The following PIGU variants were observed in gnomAD, a reference collection of about 807,000 sequenced individuals.
The protein encoded by PIGU is phosphatidylinositol glycan anchor biosynthesis class U, also known as GPI-anchor transamidase component PIGU.
A neutral mutation model predicts 49.9 loss-of-function variants in PIGU; 24 were observed. That is an observed-to-expected ratio of 0.48 (90% CI 0.35 to 0.68). The LOEUF is 0.68. PIGU is among the 30% of genes least tolerant of loss of function. The pLI, the probability that PIGU is intolerant of heterozygous loss-of-function variation, is 0.01. For missense variants in PIGU, 490 were observed against 532.6 expected, an observed-to-expected ratio of 0.92 and a Z score of 0.79; for synonymous variants, 220 against 205.7, an observed-to-expected ratio of 1.07 and a Z score of -0.59.
Position 34,560,631 on chromosome 20 carries a change from C to A in PIGU, c.*235G>T. The A allele has an allele frequency of 2.3e-6, 1 of 442,404 alleles. No homozygotes were observed. The highest frequency in any genetic ancestry group is 5.8e-4 in the Middle Eastern group (1 of 1,724). The allele number at this position is 442,404 out of a possible 1,614,324, so 27.4% of individuals were successfully genotyped here. ...CTTCTCCTTCCTGTCTGGGAGGGGGCTCCTTGGTGTGCAGAGCCACAAGGT... is the reference window on the plus strand; with the variant it reads ...CTTCTCCTTCCTGTCTGGGAGGGGGATCCTTGGTGTGCAGAGCCACAAGGT... On this transcript the variant is annotated 3_prime_UTR_variant, in exon 12 of 12. Transcript: ENST00000217446.
intron 7 of PIGU, among the ~76,000 whole-genome samples, chr20:34,603,857 G>GACACACACAC (rs1375311427): frequency 1.4e-5 from 1 of 70,746 alleles, no homozygotes; most frequent in Non-Finnish European, 2.9e-5. Flanking sequence ...CCTTTTAGTG[G>GACACACACAC]ACAGACACAC....
At chr20:34,625,392 A>AAAAAAAAAAAACAAAAAAAAC (rs1568645781) in intron 6 of PIGU, among the ~76,000 whole-genome samples, 1 of 146,516 alleles carries the variant, frequency 6.8e-6, no homozygotes, top group Non-Finnish European at 1.5e-5. Flanking sequence ...ACAAAAAAAA[A>AAAAAAAAAAAACAAAAAAAAC]AAAACTACAT....
In PIGU at chr20:34,677,035, C is replaced by A; in HGVS notation, c.51G>T (p.Ala17=). 1.3e-6 allele frequency: 2 copies of A among 1,579,544 alleles called. No individual in the cohort carries two copies. The highest frequency in any genetic ancestry group is 1.7e-6 in the Non-Finnish European group (2 of 1,163,238). ...LVLVVAVTVR[A]ALFRSSLAEF... ...CGGCCAGACTGGAGCGGAACAAGGCCGCCCGCACTGTCACAGCCACCACCA... is the reference window on the plus strand; with the variant it reads ...CGGCCAGACTGGAGCGGAACAAGGCAGCCCGCACTGTCACAGCCACCACCA... The change falls in exon 1 of 12, where the codon GCG becomes GCT. Residue 17 remains alanine (A), a synonymous_variant. Transcript: ENST00000217446.
rs1411523666 is a variant in PIGU at position 34,632,300 on chromosome 20, T to C, written c.529+2315A>G. Among the ~76,000 whole-genome samples the C allele has an allele frequency of 2.0e-5, 3 of 152,202 alleles. No individual in the cohort carries two copies. In the East Asian group the frequency reaches 5.8e-4, roughly 29 times the overall value. On this transcript the variant is annotated intron_variant, in intron 6 of 11. Transcript: ENST00000217446. ...AAAATTCTTAATCCTACCCAACTAT[T>C]AATTTGGTGCTAAACCAGAACAAAG...
chr20:34,569,957 G>A (rs1982936518), intron 11 of PIGU, among the ~76,000 whole-genome samples: 1 of 152,092 alleles, frequency 6.6e-6, no homozygotes, highest in South Asian at 2.1e-4. Context: ...AGTGAGTTTG[G>A]GTAAGTCTCT....
chr20:34,609,853 C>G (rs1984749594), intron 7 of PIGU, among the ~76,000 whole-genome samples: 1 of 152,126 alleles, frequency 6.6e-6, no homozygotes, highest in Admixed American at 6.5e-5. Context: ...GTAATTGAAT[C>G]ATGGGGATGG....
intron 6 of PIGU, among the ~76,000 whole-genome samples, chr20:34,618,680 A>C (rs1392921837): frequency 6.6e-6 from 1 of 152,168 alleles, no homozygotes; most frequent in Non-Finnish European, 1.5e-5. Context: ...CCAGCTACTT[A>C]GGAGGCTGAG....
chr20:34,605,858 A>C (rs1984592148), intron 7 of PIGU, among the ~76,000 whole-genome samples: 1 of 152,200 alleles, frequency 6.6e-6, no homozygotes. Context: ...ACCATGTAAA[A>C]GTTGAACACA....
Position 34,627,742 on chromosome 20 carries a change from T to C in PIGU, c.529+6873A>G, listed in dbSNP as rs375647251. ...CCCTTCTGCCAGGCTGCTGCGTATA[T>C]TGTTTATTTTAATGGACACCAGACA... On this transcript the variant is annotated intron_variant, in intron 6 of 11. Transcript: ENST00000217446. Among the ~76,000 whole-genome samples, 21 of 152,246 alleles carry C rather than the reference T, an allele frequency of 1.4e-4. No individual in the cohort carries two copies. In the East Asian group the frequency reaches 3.5e-3, roughly 25 times the overall value.
Position 34,655,293 on chromosome 20 carries a change from G to A in PIGU, c.195+1887C>T, listed in dbSNP as rs1177044111. ...CCACCACATTCCAGCCTCGGTGACA[G>A]AGCAAGACCCTGTCTTTAAAAAAAA... On this transcript the variant is annotated intron_variant, in intron 2 of 11. Coordinates refer to ENST00000217446, the MANE Select transcript of PIGU (RefSeq NM_080476.5). Among the ~76,000 whole-genome samples, 12 of 119,570 alleles carry A rather than the reference G, an allele frequency of 1.0e-4. 2 individuals carry two copies. The highest frequency in any genetic ancestry group is 3.7e-4 in the African/African-American group (12 of 32,252). The allele number at this position is 119,570 out of a possible 152,430, so 78.4% of individuals were successfully genotyped here. A position where few individuals can be genotyped will look rare whatever the true frequency, so the allele number is the denominator to read the frequency against.
At chr20:34,674,374 T>C (rs142918656) in intron 1 of PIGU, among the ~76,000 whole-genome samples, 1,563 of 152,046 alleles carry the variant, frequency 0.01, 32 homozygotes, top group African/African-American at 0.035. Context: ...AAAGAATTCA[T>C]ACAGCTTATA....
chr20:34,650,774 C>T (rs759984688), intron 2 of PIGU, among the ~76,000 whole-genome samples: 22 of 111,910 alleles, frequency 2.0e-4, no homozygotes, highest in South Asian at 6.2e-4. Flanking sequence ...AATGCGGTGG[C>T]GTGATCTTGG....
intron 1 of PIGU, among the ~76,000 whole-genome samples, chr20:34,670,099 T>C (rs1340263543): frequency 6.6e-6 from 1 of 152,094 alleles, no homozygotes; most frequent in Non-Finnish European, 1.5e-5. Flanking sequence ...TTGACTTGGA[T>C]GACAGTTACA....
chr20:34,666,143 G>C (rs1987084929), intron 1 of PIGU, among the ~76,000 whole-genome samples: 1 of 151,900 alleles, frequency 6.6e-6, no homozygotes, highest in East Asian at 1.9e-4. Flanking sequence ...CCAAGATCGT[G>C]CCACTGTACT....
chr20:34,589,132 CACACACACACACACACAT>C (rs1423929510), intron 7 of PIGU, among the ~76,000 whole-genome samples: 184 of 146,146 alleles, frequency 1.3e-3, no homozygotes, highest in African/African-American at 4.4e-3. Context: ...CACACACACA[CACACACACACACACACAT>C]CTGTAAGTTT....
Position 34,677,049 on chromosome 20 carries a change from C to A in PIGU, c.37G>T (p.Val13Leu). 1 of 1,572,500 alleles carries A rather than the reference C, an allele frequency of 6.4e-7. No homozygotes were observed. The highest frequency in any genetic ancestry group is 8.6e-7 in the Non-Finnish European group (1 of 1,159,278). The change falls in exon 1 of 12, where the codon GTG becomes TTG. Residue 13 changes from valine to leucine, a missense_variant. Transcript: ENST00000217446. The part of the protein sequence containing the change: ...APLVLVLVVA[V>L]TVRAALFRSS... Reference sequence around the variant, plus strand: ...CGGAACAAGGCCGCCCGCACTGTCACAGCCACCACCAGCACCAGGACCAAG... The same window carrying A: ...CGGAACAAGGCCGCCCGCACTGTCAAAGCCACCACCAGCACCAGGACCAAG...
chr20:34,639,686 T>TC (rs1323146132), intron 4 of PIGU, among the ~76,000 whole-genome samples: 2 of 152,194 alleles, frequency 1.3e-5, no homozygotes, highest in Non-Finnish European at 2.9e-5. Context: ...AGACCATCTT[T>TC]CAGTTTAAAC....
chr20:34,575,484 T>C (rs940340947), intron 10 of PIGU, among the ~76,000 whole-genome samples: 4 of 152,214 alleles, frequency 2.6e-5, no homozygotes, highest in African/African-American at 9.6e-5. Flanking sequence ...ACTGTGGGCT[T>C]GGCTGGCTGA....
chr20:34,592,437 GAAAAAAA>G (rs11475377), intron 7 of PIGU, among the ~76,000 whole-genome samples: 4 of 120,420 alleles, frequency 3.3e-5, no homozygotes, highest in Non-Finnish European at 6.9e-5. Flanking sequence ...GAATAATTAA[GAAAAAAA>G]AAAAAAAGAG....
Sources: gnomAD v4.1 joint callset for allele counts (sites outside exome capture counted in the v4.1 genomes callset) on GRCh38, gnomAD v4.1.1 for gene constraint, MANE v1.5 for transcripts, NCBI Gene and HGNC (gene_info 2026-07-23, HGNC 2026-07-21) for gene names.